The following SLC35G2 variants were observed in gnomAD, a reference collection of about 807,000 sequenced individuals.
SLC35G2 encodes the protein transmembrane protein 22.
Under a neutral mutation model 27.2 loss-of-function variants are expected in SLC35G2, and 20 were observed. That is an observed-to-expected ratio of 0.74 (90% CI 0.52 to 1.07). The LOEUF is 1.07. Ranked by LOEUF, SLC35G2 falls within the 50% of genes least tolerant of loss-of-function variation. SLC35G2 has a pLI of 0.00. For missense variants in SLC35G2, 416 were observed against 493.3 expected, an observed-to-expected ratio of 0.84 and a Z score of 1.48; for synonymous variants, 148 against 165.3, an observed-to-expected ratio of 0.90 and a Z score of 0.80.
intron 1 of SLC35G2, among the ~76,000 whole-genome samples, chr3:136,833,568 G>A (rs1936789790): frequency 6.6e-6 from 1 of 152,136 alleles, no homozygotes; most frequent in Non-Finnish European, 1.5e-5. Context: ...GAATGAAGCG[G>A]TTCCACTTCA....
chr3:136,843,924 ACT>A (rs1937230184), intron 1 of SLC35G2, among the ~76,000 whole-genome samples: 1 of 152,024 alleles, frequency 6.6e-6, no homozygotes, highest in African/African-American at 2.4e-5. Flanking sequence ...GCAGAGTGGG[ACT>A]CTGTCTCAAA....
chr3:136,828,394 A>T (rs980421181), intron 1 of SLC35G2, among the ~76,000 whole-genome samples: 5 of 152,170 alleles, frequency 3.3e-5, no homozygotes, highest in African/African-American at 1.2e-4. Flanking sequence ...GTAATGTTTA[A>T]TTTATATATC....
At chr3:136,850,036 G>A (rs1937575754) in intron 1 of SLC35G2, among the ~76,000 whole-genome samples, 1 of 152,192 alleles carries the variant, frequency 6.6e-6, no homozygotes, top group Non-Finnish European at 1.5e-5. Context: ...GAAGCCGGGA[G>A]GTGGAGGTTG....
rs556610341 is a variant in SLC35G2, at chr3:136,838,897, A to G, written c.-18-15546A>G. On this transcript the variant is annotated intron_variant, in intron 1 of 1. Coordinates refer to ENST00000446465, the MANE Select transcript of SLC35G2 (RefSeq NM_025246.3). Reference sequence around the variant, plus strand: ...AACAACCAAGAAGTACAACTTTAACATGCATATTGGAACAGCCCAGTAATT... The same window carrying G: ...AACAACCAAGAAGTACAACTTTAACGTGCATATTGGAACAGCCCAGTAATT... The G allele has an allele frequency of 5.3e-5, 8 of 152,362 alleles. No individual in the cohort carries two copies. The South Asian group carries it at 1.7e-3, about 32-fold the overall frequency. 9.4% of individuals were successfully genotyped at this position (152,362 alleles called of 1,614,324 possible).
rs1476293186 is a variant in SLC35G2, at chr3:136,855,747, G to A, written c.*48G>A. On this transcript the variant is annotated 3_prime_UTR_variant, in exon 2 of 2. Transcript: ENST00000446465. ...TTAATGTTCAGTTATTATGTATACT[G>A]CCATTTTAATGTTTACCTATGAATG... 7.3e-7 allele frequency: 1 copy of A among 1,369,024 alleles called. No homozygotes were observed. Among genetic ancestry groups the A allele is most frequent in the Non-Finnish European group, 1.0e-6 (1 of 961,630 alleles). 84.8% of individuals were successfully genotyped at this position (1,369,024 alleles called of 1,614,324 possible).
chr3:136,834,015 A>T (rs1560012300), intron 1 of SLC35G2, among the ~76,000 whole-genome samples: 1 of 151,802 alleles, frequency 6.6e-6, no homozygotes, highest in African/African-American at 2.4e-5. Context: ...ACCTTTATTA[A>T]ATATATGTTA....
chr3:136,836,067 T>C (rs574070297), intron 1 of SLC35G2, among the ~76,000 whole-genome samples: 1 of 152,230 alleles, frequency 6.6e-6, no homozygotes, highest in African/African-American at 2.4e-5. Context: ...GGTGTGGTCA[T>C]TGCTACTGGA....
In SLC35G2 at chr3:136,854,746, A is replaced by G; in HGVS notation, c.286A>G (p.Lys96Glu). Residue 96 changes from lysine (K) to glutamate (E), a missense_variant, in exon 2 of 2, where the codon AAA (lysine) becomes GAA (glutamate). Transcript: ENST00000446465. ...EIGQFQSFAE[K>E]NIFQSRKMWI... The stretch of plus-strand genomic sequence containing the variant: ...TGGACAATTCCAGAGCTTTGCAGAA[A>G]AAAACATTTTTCAATCCCGAAAAAT... 6.2e-7 allele frequency: 1 copy of G among 1,614,186 alleles called. No individual in the cohort carries two copies. Among genetic ancestry groups the G allele is most frequent in the Non-Finnish European group, 8.5e-7 (1 of 1,180,036 alleles).
chr3:136,839,868 A>G (rs1937014381), intron 1 of SLC35G2, among the ~76,000 whole-genome samples: 2 of 152,012 alleles, frequency 1.3e-5, no homozygotes, highest in African/African-American at 4.8e-5. Context: ...CCCTACCTCA[A>G]TACCATCAGA....
intron 1 of SLC35G2, among the ~76,000 whole-genome samples, chr3:136,822,616 A>G (rs1936484101): frequency 6.6e-6 from 1 of 151,990 alleles, no homozygotes; most frequent in Non-Finnish European, 1.5e-5. Flanking sequence ...CGCCCAGCGT[A>G]CTCTCTATCT....
intron 1 of SLC35G2, among the ~76,000 whole-genome samples, chr3:136,847,112 G>C (rs1050098625): frequency 6.6e-6 from 1 of 152,142 alleles, no homozygotes; most frequent in African/African-American, 2.4e-5. Context: ...GGGAGGTGGA[G>C]GTTGCAGTGA....
rs139745500 is a variant in SLC35G2, at chr3:136,854,848, A to G, written c.388A>G (p.Lys130Glu). Residue 130 changes from lysine to glutamate, a missense_variant, in exon 2 of 2, where the codon AAA becomes GAA. By Grantham distance (56) the Lys-to-Glu change is moderately conservative (BLOSUM62 1). Coordinates refer to ENST00000446465, the MANE Select transcript of SLC35G2 (RefSeq NM_025246.3). ...LITRLVSDRS[K>E]VPSLELIFIR... ...CACTAGGCTTGTTTCTGATCGGTCTAAAGTTCCATCTCTAGAACTGATTTT... is the reference window on the plus strand; with the variant it reads ...CACTAGGCTTGTTTCTGATCGGTCTGAAGTTCCATCTCTAGAACTGATTTT... 10 of 1,614,054 alleles carry G rather than the reference A, an allele frequency of 6.2e-6. No homozygotes were observed. In the African/African-American group the frequency reaches 1.1e-4, roughly 17 times the overall value.
intron 1 of SLC35G2, chr3:136,846,379 A>G (rs1264000211): frequency 6.6e-6 from 1 of 152,248 alleles, no homozygotes; most frequent in East Asian, 1.9e-4. Flanking sequence ...CAAACTGTGC[A>G]TACTTTTAAT....
intron 1 of SLC35G2, among the ~76,000 whole-genome samples, chr3:136,850,591 C>CA (rs34241161): frequency 0.69 from 104,109 of 151,822 alleles, 35,931 homozygotes; most frequent in East Asian, 0.87. Flanking sequence ...TGAGTGTGCA[C>CA]AATATTTATG....
intron 1 of SLC35G2, among the ~76,000 whole-genome samples, chr3:136,823,757 G>T (rs1936516339): frequency 1.7e-5 from 2 of 116,586 alleles, no homozygotes; most frequent in South Asian, 5.6e-4. Context: ...CACCACACCT[G>T]GCTAATTTTT....
At chr3:136,820,190 C>G (rs761691149) in intron 1 of SLC35G2, 1 of 152,190 alleles carries the variant, frequency 6.6e-6, no homozygotes, top group African/African-American at 2.4e-5. Flanking sequence ...CCCCCACGTC[C>G]AGAGTGCTGG....
intron 1 of SLC35G2, among the ~76,000 whole-genome samples, chr3:136,837,054 AG>A (rs1324185936): frequency 8.5e-5 from 13 of 152,208 alleles, no homozygotes. Context: ...GAAAAGCCAA[AG>A]GTAATTATAT....
rs868672620 is a variant in SLC35G2, at chr3:136,820,122, G to A, written c.-19+494G>A. 38 of 152,386 alleles carry A rather than the reference G, an allele frequency of 2.5e-4. 1 individual carries two copies. The highest frequency in any genetic ancestry group is 3.4e-3 in the Middle Eastern group (1 of 294). The allele number at this position is 152,386 out of a possible 1,614,324, so 9.4% of individuals were successfully genotyped here. ...CAGGTTTTCTTTCACCCGGCTCCGCGAGGAGCGAGGCGGAAAGCTCGGGTC... is the reference window on the plus strand; with the variant it reads ...CAGGTTTTCTTTCACCCGGCTCCGCAAGGAGCGAGGCGGAAAGCTCGGGTC... On this transcript the variant is annotated intron_variant, in intron 1 of 1. Transcript: ENST00000446465.
chr3:136,840,029 A>C (rs1425099678), intron 1 of SLC35G2, among the ~76,000 whole-genome samples: 1 of 152,146 alleles, frequency 6.6e-6, no homozygotes, highest in African/African-American at 2.4e-5. Context: ...TAGTCCCTTT[A>C]AATCACATTC....
Sources: allele counts gnomAD v4.1 joint callset (sites outside exome capture counted in the v4.1 genomes callset), GRCh38; gene constraint gnomAD v4.1.1; transcripts MANE v1.5; gene names NCBI Gene and HGNC (gene_info 2026-07-23, HGNC 2026-07-21).